NFAT5: variants seen among roughly 807,000 people sequenced by gnomAD.
NFAT5 encodes nuclear factor of activated T cells 5.
NFAT5 carries 31 observed loss-of-function variants against 166.5 expected under a neutral mutation model. The ratio of observed to expected loss-of-function variants is 0.19; its 90% CI spans 0.14 to 0.25. The LOEUF is 0.25. Ranked by LOEUF, NFAT5 falls within the 10% of genes least tolerant of loss-of-function variation. The probability of loss-of-function intolerance (pLI) is 1.00; values close to 1 mark genes in which losing one functional copy is unlikely to be tolerated. For synonymous variants in NFAT5, 612 were observed against 639.7 expected, an observed-to-expected ratio of 0.96 and a Z score of 0.65; for missense variants, 1,449 against 1,821.8, an observed-to-expected ratio of 0.80 and a Z score of 3.72.
At chr16:69,651,783 G>T (rs2035678912) in intron 4 of NFAT5, among the ~76,000 whole-genome samples, 1 of 150,828 alleles carries the variant, frequency 6.6e-6, no homozygotes, top group East Asian at 2.0e-4. Flanking sequence ...TGATTCTCCT[G>T]CCTCAGCCTC....
intron 2 of NFAT5, among the ~76,000 whole-genome samples, chr16:69,626,112 TAAA>T (rs746935061): frequency 7.8e-6 from 1 of 128,864 alleles, no homozygotes; most frequent in Non-Finnish European, 1.7e-5. Flanking sequence ...CCTGGCTGAT[TAAA>T]AAAAAAAAAA....
At chr16:69,628,707 A>T (rs1242796122) in intron 3 of NFAT5, among the ~76,000 whole-genome samples, 1 of 152,238 alleles carries the variant, frequency 6.6e-6, no homozygotes, top group Admixed American at 6.5e-5. Flanking sequence ...ATGTTTTTCT[A>T]GCCAGAAGGC....
chr16:69,612,236 G>C (rs929813872), intron 2 of NFAT5, among the ~76,000 whole-genome samples: 4 of 152,126 alleles, frequency 2.6e-5, no homozygotes, highest in Admixed American at 1.3e-4. Context: ...CCGAACCTTA[G>C]TCAGAGAAGA....
At chr16:69,687,150 A>G (rs1289715562) in intron 11 of NFAT5, among the ~76,000 whole-genome samples, 1 of 152,150 alleles carries the variant, frequency 6.6e-6, no homozygotes, top group Non-Finnish European at 1.5e-5. Context: ...CTTAAATAAA[A>G]TTGGAACAAG....
At chr16:69,646,398 C>T (rs1021619989) in intron 3 of NFAT5, 2 of 298,238 alleles carry the variant, frequency 6.7e-6, no homozygotes, top group African/African-American at 4.6e-5. Flanking sequence ...AATACCAGTT[C>T]CATTTTGCCT....
chr16:69,583,014 A>T lies in NFAT5; in HGVS notation c.127+14466A>T, dbSNP rs529490250. 7.9e-5 allele frequency among the ~76,000 whole-genome samples: 12 copies of T among 151,038 alleles called. No homozygotes were observed. In the South Asian group the frequency reaches 2.5e-3, roughly 31 times the overall value. On this transcript the variant is annotated intron_variant, in intron 2 of 14. Coordinates refer to ENST00000349945, the MANE Select transcript of NFAT5 (RefSeq NM_138713.4). ...GTCCATGAACATGGGATGTCTTTTTATTTTTTTTAGATCTTTATTTCAACA... is the reference window on the plus strand; with the variant it reads ...GTCCATGAACATGGGATGTCTTTTTTTTTTTTTTAGATCTTTATTTCAACA...
chr16:69,663,596 G>A (rs2036241035), intron 7 of NFAT5, among the ~76,000 whole-genome samples: 1 of 148,984 alleles, frequency 6.7e-6, no homozygotes, highest in Non-Finnish European at 1.5e-5. Flanking sequence ...AAGGCCAGGT[G>A]CAGTTGTACA....
At chr16:69,591,860 T>C (rs1192166672) in intron 2 of NFAT5, among the ~76,000 whole-genome samples, 15 of 151,840 alleles carry the variant, frequency 9.9e-5, no homozygotes, top group Admixed American at 4.6e-4. Flanking sequence ...AGCCCAGGAG[T>C]TTGAGGCTGC....
At chr16:69,627,042 A>G (rs988668185) in intron 3 of NFAT5, among the ~76,000 whole-genome samples, 2 of 151,902 alleles carry the variant, frequency 1.3e-5, no homozygotes, top group Non-Finnish European at 2.9e-5. Flanking sequence ...GAGGACGTCA[A>G]TATAATATTT....
intron 2 of NFAT5, among the ~76,000 whole-genome samples, chr16:69,613,810 A>G (rs1301674665): frequency 6.6e-6 from 1 of 152,232 alleles, no homozygotes; most frequent in African/African-American, 2.4e-5. Context: ...GAACTGCTTA[A>G]TAAGGGTGAC....
intron 3 of NFAT5, among the ~76,000 whole-genome samples, chr16:69,632,934 A>G (rs117877706): frequency 0.013 from 2,034 of 152,078 alleles, 22 homozygotes; most frequent in Non-Finnish European, 0.021. Context: ...AAAAATCTCT[A>G]CTCCTCCTTC....
chr16:69,693,626 A>G lies in NFAT5; in HGVS notation c.3801A>G (p.Glu1267=). 6.2e-7 allele frequency: 1 copy of G among 1,614,010 alleles called. No homozygotes were observed. The highest frequency in any genetic ancestry group is 8.5e-7 in the Non-Finnish European group (1 of 1,179,920). The change falls in exon 13 of 15, where the codon GAA becomes GAG. Residue 1267 remains glutamate, a synonymous_variant. Coordinates refer to ENST00000349945, the MANE Select transcript of NFAT5 (RefSeq NM_138713.4). ...VAMQSNSPSQ[E]QQQQQQQQQQ... is the part of the protein sequence containing the mutation. ...TGCAGAGTAACTCTCCATCCCAGGA[A>G]CAGCAGCAGCAGCAGCAACAGCAGC...
intron 4 of NFAT5, chr16:69,649,582 T>C: frequency 2.0e-6 from 2 of 976,538 alleles, no homozygotes; most frequent in South Asian, 9.5e-5. Flanking sequence ...GAAAAAAATA[T>C]TTGAAACTAG....
At chr16:69,611,876 T>C (rs1414726763) in intron 2 of NFAT5, among the ~76,000 whole-genome samples, 1 of 152,224 alleles carries the variant, frequency 6.6e-6, no homozygotes, top group Non-Finnish European at 1.5e-5. Flanking sequence ...CCCATTAGAA[T>C]GGAAGGTCCA....
chr16:69,631,891 C>T (rs960134805), intron 3 of NFAT5, among the ~76,000 whole-genome samples: 1 of 152,122 alleles, frequency 6.6e-6, no homozygotes, highest in Non-Finnish European at 1.5e-5. Context: ...GGACCACTGT[C>T]GGTTTTTAAG....
chr16:69,676,136 T>G (rs2036823562), intron 9 of NFAT5, among the ~76,000 whole-genome samples: 1 of 152,202 alleles, frequency 6.6e-6, no homozygotes, highest in African/African-American at 2.4e-5. Context: ...AGCTGTCAGC[T>G]TCGGCCTCCT....
At chr16:69,631,621 C>CTTTTGT (rs528877481) in intron 3 of NFAT5, among the ~76,000 whole-genome samples, 2 of 151,396 alleles carry the variant, frequency 1.3e-5, no homozygotes, top group Non-Finnish European at 2.9e-5. Context: ...AGCAATTGTG[C>CTTTTGT]TTTTGTTTTT....
At chr16:69,573,011 T>C (rs2016530637) in intron 2 of NFAT5, among the ~76,000 whole-genome samples, 2 of 152,048 alleles carry the variant, frequency 1.3e-5, no homozygotes, top group African/African-American at 4.8e-5. Flanking sequence ...CCCAGCTAAT[T>C]TTTGTATTTT....
intron 2 of NFAT5, among the ~76,000 whole-genome samples, chr16:69,571,083 G>C (rs1459580124): frequency 7.3e-6 from 1 of 136,056 alleles, no homozygotes; most frequent in African/African-American, 2.8e-5. Flanking sequence ...CTTGAGGTCA[G>C]GAGTTTGAGA....
Sources: gnomAD v4.1 joint callset for allele counts (sites outside exome capture counted in the v4.1 genomes callset) on GRCh38, gnomAD v4.1.1 for gene constraint, MANE v1.5 for transcripts, NCBI Gene and HGNC (gene_info 2026-07-23, HGNC 2026-07-21) for gene names.